Variants in MYO9A observed in about 807,000 individuals in gnomAD.
MYO9A encodes unconventional myosin-IXa.
A neutral mutation model predicts 293.3 loss-of-function variants in MYO9A; 103 were observed. That is an observed-to-expected ratio of 0.35 (90% confidence interval 0.30 to 0.41). The LOEUF is 0.41. Ranked by LOEUF, MYO9A falls within the 10% of genes least tolerant of loss-of-function variation. The probability of loss-of-function intolerance (pLI) is 1.00; values close to 1 mark genes in which losing one functional copy is unlikely to be tolerated. For missense variants in MYO9A, 2,685 were observed against 3,033.0 expected (o/e 0.89, Z 2.69); for synonymous variants, 1,001 against 1,035.7 (o/e 0.97, Z 0.64).
At chr15:71,935,845 A>T (rs1184728445) in intron 16 of MYO9A, among the ~76,000 whole-genome samples, 1 of 151,916 alleles carries the variant, frequency 6.6e-6, no homozygotes, top group Non-Finnish European at 1.5e-5. Flanking sequence ...GGAATTTGTC[A>T]TCCTAATACA....
At chr15:72,048,800 A>G (rs1370765670) in intron 1 of MYO9A, among the ~76,000 whole-genome samples, 1 of 152,250 alleles carries the variant, frequency 6.6e-6, no homozygotes, top group Non-Finnish European at 1.5e-5. Context: ...ACAGATTAAT[A>G]TTGGACAGAA....
chr15:72,107,526 G>C (rs2151050142), intron 1 of MYO9A, among the ~76,000 whole-genome samples: 1 of 152,188 alleles, frequency 6.6e-6, no homozygotes, highest in East Asian at 1.9e-4. Context: ...TCCAGCCTGG[G>C]CGACAGAGCA....
At chr15:71,998,565 CTTTT>C (rs11443228) in intron 9 of MYO9A, among the ~76,000 whole-genome samples, 3 of 140,088 alleles carry the variant, frequency 2.1e-5, no homozygotes, top group African/African-American at 7.9e-5. Context: ...TTTTTTTTGT[CTTTT>C]TTTTTCTTTT....
intron 14 of MYO9A, among the ~76,000 whole-genome samples, chr15:71,957,571 T>C (rs2059233065): frequency 2.0e-5 from 3 of 152,116 alleles, no homozygotes; most frequent in Admixed American, 1.3e-4. Flanking sequence ...TCTAGACTTA[T>C]GGTGATACCC....
chr15:72,052,789 G>T (rs2078605461), intron 1 of MYO9A, among the ~76,000 whole-genome samples: 1 of 152,196 alleles, frequency 6.6e-6, no homozygotes, highest in South Asian at 2.1e-4. Context: ...AGCATGCTCG[G>T]TTGTGTAGAG....
intron 34 of MYO9A, among the ~76,000 whole-genome samples, chr15:71,856,243 A>G (rs1596038669): frequency 6.6e-6 from 1 of 152,126 alleles, no homozygotes; most frequent in South Asian, 2.1e-4. Context: ...CACAGGAGGC[A>G]GAGGTTGCAG....
chr15:71,892,162 T>C, intron 26 of MYO9A: 2 of 152,196 alleles, frequency 1.3e-5, no homozygotes, highest in East Asian at 3.8e-4. Context: ...TCAAACCACA[T>C]ATACACCTGA....
intron 11 of MYO9A, 151 bp downstream of exon 11, chr15:71,990,952 G>T (rs1383804112): frequency 2.7e-6 from 2 of 748,436 alleles, no homozygotes; most frequent in Non-Finnish European, 3.9e-6. Flanking sequence ...ATTTACTTCG[G>T]TTATTCTTGT....
chr15:71,859,584 T>C, intron 34 of MYO9A, 151 bp downstream of exon 34: 1 of 571,266 alleles, frequency 1.8e-6, no homozygotes, highest in South Asian at 2.6e-5. Context: ...AACTGGATCA[T>C]GGCATAAAAC....
Position 72,042,030 on chromosome 15 carries a change from C to A in MYO9A, c.840+3694G>T, listed in dbSNP as rs532611894. On this transcript the variant is annotated intron_variant, in intron 2 of 41. Coordinates refer to ENST00000356056, the MANE Select transcript of MYO9A (RefSeq NM_006901.4). ...ACACTGACAGTAAAAAAAAAAAAAACCAGTTCTACACAACTCTTCCAAAAA... is the reference window on the plus strand; with the variant it reads ...ACACTGACAGTAAAAAAAAAAAAAAACAGTTCTACACAACTCTTCCAAAAA... Among the ~76,000 whole-genome samples, 58 of 140,222 alleles carry A rather than the reference C, an allele frequency of 4.1e-4. 1 individual carries two copies. Among genetic ancestry groups the A allele is most frequent in the Admixed American group, 1.5e-3 (21 of 14,188 alleles). The allele number at this position is 140,222 out of a possible 152,430, so 92.0% of individuals were successfully genotyped here. A position where few individuals can be genotyped will look rare whatever the true frequency, so the allele number is the denominator to read the frequency against.
intron 18 of MYO9A, among the ~76,000 whole-genome samples, chr15:71,931,892 T>C (rs2145715061): frequency 6.6e-6 from 1 of 152,284 alleles, no homozygotes; most frequent in East Asian, 1.9e-4. Context: ...CAAACCTTTG[T>C]GTTTGTCCAA....
chr15:71,927,837 G>T (rs117476974), intron 18 of MYO9A, among the ~76,000 whole-genome samples: 6,782 of 150,222 alleles, frequency 0.045, 213 homozygotes, highest in Non-Finnish European at 0.063. Flanking sequence ...TCTACATGTG[G>T]ATATCCAGTT....
At chr15:71,941,835 GC>G (rs1381010967) in intron 15 of MYO9A, among the ~76,000 whole-genome samples, 2 of 152,030 alleles carry the variant, frequency 1.3e-5, no homozygotes, top group African/African-American at 2.4e-5. Context: ...CACAAATAAA[GC>G]CCTAAGAACA....
Position 71,845,196 on chromosome 15 carries a change from T to C in MYO9A, c.6837+3649A>G, listed in dbSNP as rs537456921. ...CAAGGCTTTTTTTTGAAAAGACTGG[T>C]TGTTTTGTGTGGTATTATAACTAGG... On this transcript the variant is annotated intron_variant, in intron 39 of 41. Transcript: ENST00000356056. 1.2e-3 allele frequency among the ~76,000 whole-genome samples: 186 copies of C among 152,202 alleles called. 2 individuals are homozygous for C. In the South Asian group the frequency reaches 0.014, roughly 11 times the overall value.
chr15:71,937,756 C>T (rs1465506227), intron 16 of MYO9A, among the ~76,000 whole-genome samples: 2 of 152,144 alleles, frequency 1.3e-5, no homozygotes, highest in African/African-American at 4.8e-5. Flanking sequence ...CTTAAAACCA[C>T]TAAACTGCTT....
intron 15 of MYO9A, among the ~76,000 whole-genome samples, chr15:71,941,806 T>A (rs2058783356): frequency 6.6e-6 from 1 of 152,132 alleles, no homozygotes; most frequent in African/African-American, 2.4e-5. Context: ...GACAATGGGA[T>A]GACAATCTGA....
At chr15:72,069,284 C>T (rs909914126) in intron 1 of MYO9A, among the ~76,000 whole-genome samples, 4 of 152,132 alleles carry the variant, frequency 2.6e-5, no homozygotes, top group Non-Finnish European at 4.4e-5. Flanking sequence ...GTAGTAGTGA[C>T]TCTTGAGGTT....
chr15:71,843,119 CTCT>C (rs1320256523), intron 39 of MYO9A, among the ~76,000 whole-genome samples: 14 of 152,038 alleles, frequency 9.2e-5, no homozygotes, highest in South Asian at 2.1e-4. Context: ...ACTCTCCTAT[CTCT>C]TCTTCTTTTT....
intron 1 of MYO9A, among the ~76,000 whole-genome samples, chr15:72,083,621 A>C (rs2079620026): frequency 6.6e-6 from 1 of 152,096 alleles, no homozygotes; most frequent in African/African-American, 2.4e-5. Flanking sequence ...AGATCTTTTT[A>C]ACTTTTTCAT....
Sources: allele counts gnomAD v4.1 joint callset (sites outside exome capture counted in the v4.1 genomes callset), GRCh38; gene constraint gnomAD v4.1.1; transcripts MANE v1.5; gene names NCBI Gene and HGNC (gene_info 2026-07-23, HGNC 2026-07-21).